Variants in SP4 observed in about 807,000 individuals in gnomAD.
SP4 encodes Sp4 transcription factor.
A neutral mutation model predicts 72.8 loss-of-function variants in SP4; 19 were observed. The ratio of observed to expected loss-of-function variants is 0.26; its 90% CI spans 0.18 to 0.38. The LOEUF (loss-of-function observed/expected upper bound fraction) is 0.38, where lower values mean the gene tolerates loss of function less well. Ranked by LOEUF, SP4 falls within the 10% of genes least tolerant of loss-of-function variation. The pLI, the probability that SP4 is intolerant of heterozygous loss-of-function variation, is 1.00. For synonymous variants in SP4, 395 were observed against 333.1 expected (o/e 1.19, Z -2.02); for missense variants, 1,008 against 926.3 (o/e 1.09, Z -1.14).
intron 2 of SP4, 156 bp downstream of exon 2, chr7:21,428,948 T>G (rs1782729046): frequency 3.0e-6 from 2 of 672,330 alleles, no homozygotes; most frequent in Non-Finnish European, 5.1e-6. Flanking sequence ...CATCAAGTTT[T>G]CACCTCTTTG....
intron 5 of SP4, among the ~76,000 whole-genome samples, chr7:21,491,773 A>C (rs1784985300): frequency 6.6e-6 from 1 of 152,216 alleles, no homozygotes; most frequent in Non-Finnish European, 1.5e-5. Flanking sequence ...ATGTCCAAGG[A>C]AAATATCCTC....
intron 5 of SP4, among the ~76,000 whole-genome samples, chr7:21,492,881 C>T (rs1785016637): frequency 6.6e-6 from 1 of 152,096 alleles, no homozygotes; most frequent in African/African-American, 2.4e-5. Context: ...ATATTCTGGA[C>T]CATGAAACAC....
At chr7:21,446,463 C>T (rs1011339140) in intron 3 of SP4, among the ~76,000 whole-genome samples, 3 of 152,012 alleles carry the variant, frequency 2.0e-5, no homozygotes, top group East Asian at 3.9e-4. Flanking sequence ...AAAAAGAGCT[C>T]TGTGCTAGGT....
rs1782869234 is a variant in SP4, at chr7:21,431,913, A to G, written c.1678+1070A>G. On this transcript the variant is annotated intron_variant, in intron 3 of 5. Coordinates refer to ENST00000222584, the MANE Select transcript of SP4 (RefSeq NM_003112.5). ...AAAATTACGCTAGGGTTCTTCTTTTATGGTTAATACCTGAAGTAGGCATAT... is the reference window on the plus strand; with the variant it reads ...AAAATTACGCTAGGGTTCTTCTTTTGTGGTTAATACCTGAAGTAGGCATAT... Among the ~76,000 whole-genome samples, 4 of 152,202 alleles carry G rather than the reference A, an allele frequency of 2.6e-5. No individual in the cohort carries two copies. In the South Asian group the frequency reaches 8.3e-4, roughly 31 times the overall value.
intron 2 of SP4, chr7:21,428,994 C>T: frequency 1.7e-6 from 1 of 591,610 alleles, no homozygotes; most frequent in Non-Finnish European, 3.0e-6. Context: ...ATCAGGAATT[C>T]AGACTATAAG....
chr7:21,438,317 A>G (rs1189460683), intron 3 of SP4, among the ~76,000 whole-genome samples: 3 of 152,214 alleles, frequency 2.0e-5, no homozygotes, highest in Non-Finnish European at 2.9e-5. Context: ...GCACATGGCC[A>G]GAGTTCTCTG....
At chr7:21,475,561 A>G (rs1034039980) in intron 3 of SP4, among the ~76,000 whole-genome samples, 1 of 151,614 alleles carries the variant, frequency 6.6e-6, no homozygotes, top group African/African-American at 2.4e-5. Flanking sequence ...GGTTCATGCC[A>G]TTCTCCTTCC....
intron 3 of SP4, among the ~76,000 whole-genome samples, chr7:21,463,165 A>G (rs866527981): frequency 7.2e-5 from 11 of 152,138 alleles, no homozygotes; most frequent in Middle Eastern, 3.4e-3. Context: ...TGTTTGGAGA[A>G]CCAGTCAGAT....
At chr7:21,469,029 A>G (rs961338528) in intron 3 of SP4, among the ~76,000 whole-genome samples, 7 of 152,170 alleles carry the variant, frequency 4.6e-5, no homozygotes, top group Non-Finnish European at 8.8e-5. Context: ...TCTCACTTCT[A>G]GGACTATCCC....
chr7:21,503,595 A>G (rs554812647), intron 5 of SP4, among the ~76,000 whole-genome samples: 12 of 152,300 alleles, frequency 7.9e-5, no homozygotes, highest in African/African-American at 2.6e-4. Context: ...CATCAGTCCA[A>G]AGCTAGGTGA....
intron 3 of SP4, among the ~76,000 whole-genome samples, chr7:21,464,870 G>A (rs574509626): frequency 6.6e-6 from 1 of 152,346 alleles, no homozygotes; most frequent in Non-Finnish European, 1.5e-5. Context: ...AGGACCGGAA[G>A]TAGCTTTAAA....
At position 21,477,281 on chromosome 7, in the gene SP4, T is replaced by C; in HGVS notation, c.1881T>C (p.Cys627=). Residue 627 remains cysteine, a synonymous_variant, in exon 4 of 6, where the codon TGT becomes TGC. Coordinates refer to ENST00000222584, the MANE Select transcript of SP4 (RefSeq NM_003112.5). ...GKRLRRVACS[C]PNCREGEGRG... is the part of the protein sequence containing the mutation. Reference sequence around the variant, plus strand: ...GGCTTCGAAGAGTTGCCTGTTCCTGTCCTAATTGTAGGGAAGGAGAAGGAA... The same window carrying C: ...GGCTTCGAAGAGTTGCCTGTTCCTGCCCTAATTGTAGGGAAGGAGAAGGAA... 6.2e-7 allele frequency: 1 copy of C among 1,612,606 alleles called. No individual in the cohort carries two copies. Among genetic ancestry groups the C allele is most frequent in the Non-Finnish European group, 8.5e-7 (1 of 1,178,644 alleles).
chr7:21,428,396 G>A (rs1300204101), intron 1 of SP4, 138 bp downstream of exon 1: 4 of 693,074 alleles, frequency 5.8e-6, no homozygotes, highest in Non-Finnish European at 1.1e-5. Flanking sequence ...GGAGGGAATC[G>A]GGGAGGGAAG....
rs555239393 is a variant in SP4, at chr7:21,444,879, T to C, written c.1678+14036T>C. Among the ~76,000 whole-genome samples, 5 of 152,320 alleles carry C rather than the reference T, an allele frequency of 3.3e-5. No homozygotes were observed. The South Asian group carries it at 6.2e-4, about 19-fold the overall frequency. On this transcript the variant is annotated intron_variant, in intron 3 of 5. Transcript: ENST00000222584. ...CCTTTACAGCTAACCACTACTACTT[T>C]AAGTATTTTATTGTAATTACTGTAA...
intron 4 of SP4, among the ~76,000 whole-genome samples, chr7:21,478,287 C>T (rs73265656): frequency 4.2e-4 from 64 of 152,188 alleles, no homozygotes; most frequent in African/African-American, 1.5e-3. Context: ...TGGTTTTATC[C>T]ACCCACTGGC....
intron 5 of SP4, among the ~76,000 whole-genome samples, chr7:21,509,276 T>C (rs1043245837): frequency 4.6e-5 from 7 of 152,176 alleles, no homozygotes; most frequent in African/African-American, 1.4e-4. Flanking sequence ...TATCAAAATG[T>C]GTTAAATTTT....
chr7:21,512,597 T>C lies in SP4; in HGVS notation c.*1328T>C, dbSNP rs1014775172. 1 of 148,124 alleles carries C rather than the reference T, an allele frequency of 6.8e-6. No homozygotes were observed. Among genetic ancestry groups the C allele is most frequent in the African/African-American group, 2.5e-5 (1 of 39,804 alleles). The allele number at this position is 148,124 out of a possible 1,614,324, so 9.2% of individuals were successfully genotyped here. A position where few individuals can be genotyped will look rare whatever the true frequency, so the allele number is the denominator to read the frequency against. On this transcript the variant is annotated 3_prime_UTR_variant, in exon 6 of 6. Transcript: ENST00000222584. ...TTTTTTTTGAGATGGAGTCTCGCTCTCTTGCCCAGGCTGGAGTGCAATGGC... is the reference window on the plus strand; with the variant it reads ...TTTTTTTTGAGATGGAGTCTCGCTCCCTTGCCCAGGCTGGAGTGCAATGGC...
chr7:21,479,127 A>T (rs1784603120), intron 4 of SP4, among the ~76,000 whole-genome samples: 1 of 151,444 alleles, frequency 6.6e-6, no homozygotes, highest in Non-Finnish European at 1.5e-5. Flanking sequence ...AATTGTCTGT[A>T]TACTTTCTTG....
At chr7:21,484,825 C>T (rs1784770944) in intron 5 of SP4, among the ~76,000 whole-genome samples, 1 of 151,750 alleles carries the variant, frequency 6.6e-6, no homozygotes. Flanking sequence ...CTTACACATC[C>T]ACACACTTGC....
Sources: gnomAD v4.1 joint callset for allele counts (sites outside exome capture counted in the v4.1 genomes callset) on GRCh38, gnomAD v4.1.1 for gene constraint, MANE v1.5 for transcripts, NCBI Gene and HGNC (gene_info 2026-07-23, HGNC 2026-07-21) for gene names.